The following ARHGAP6 variants were observed in gnomAD, a reference collection of about 807,000 sequenced individuals.
ARHGAP6 encodes rho GTPase-activating protein 6.
In ARHGAP6, 16 loss-of-function variants were observed where a neutral mutation model predicts 55.7. The ratio of observed to expected loss-of-function variants is 0.29; its 90% confidence interval spans 0.19 to 0.44. The LOEUF is 0.44. Ranked by LOEUF, ARHGAP6 falls within the 20% of genes least tolerant of loss-of-function variation. The pLI is 1.00. For missense variants in ARHGAP6, 698 were observed against 808.9 expected (o/e 0.86, Z 1.66); for synonymous variants, 382 against 360.9 (o/e 1.06, Z -0.66).
intron 1 of ARHGAP6, among the ~76,000 whole-genome samples, chrX:11,637,835 G>T (rs1229650509): frequency 9.2e-6 from 1 of 108,588 alleles, no homozygotes; most frequent in African/African-American, 3.3e-5. Context: ...TGATTCTTTT[G>T]GGATTCTCTC....
At chrX:11,615,653 A>G (rs988645327) in intron 1 of ARHGAP6, among the ~76,000 whole-genome samples, 7 of 112,297 alleles carry the variant, frequency 6.2e-5, no homozygotes, top group African/African-American at 2.3e-4. Flanking sequence ...CAATCATTAT[A>G]AATAGGGCAT....
chrX:11,180,221 A>G (rs906198614), intron 6 of ARHGAP6, among the ~76,000 whole-genome samples: 6 of 111,511 alleles, frequency 5.4e-5, no homozygotes, highest in African/African-American at 1.6e-4. Context: ...CAAGGGAGTA[A>G]TAACTCCACA....
intron 2 of ARHGAP6, among the ~76,000 whole-genome samples, chrX:11,253,273 T>G (rs768845957): frequency 9.0e-6 from 1 of 111,015 alleles, no homozygotes; most frequent in African/African-American, 3.3e-5. Context: ...CAACCCTGCT[T>G]GAGAACCACC....
intron 1 of ARHGAP6, among the ~76,000 whole-genome samples, chrX:11,459,562 C>G (rs1320378455): frequency 8.9e-6 from 1 of 111,839 alleles, no homozygotes; most frequent in East Asian, 2.8e-4. Context: ...AAATGTTTAG[C>G]TATTGTTTTG....
At chrX:11,433,873 G>A (rs181206245) in intron 1 of ARHGAP6, among the ~76,000 whole-genome samples, 1 of 112,419 alleles carries the variant, frequency 8.9e-6, no homozygotes. Flanking sequence ...CTAATAAATG[G>A]TGGAGTTGAG....
At chrX:11,402,867 A>C (rs1168978220) in intron 1 of ARHGAP6, among the ~76,000 whole-genome samples, 1 of 111,556 alleles carries the variant, frequency 9.0e-6, no homozygotes, top group Non-Finnish European at 1.9e-5. Context: ...GGCAAATCCT[A>C]TTTATGTAAC....
At chrX:11,608,179 C>A (rs997408418) in intron 1 of ARHGAP6, among the ~76,000 whole-genome samples, 1 of 111,511 alleles carries the variant, frequency 9.0e-6, no homozygotes, top group Non-Finnish European at 1.9e-5. Context: ...GCAAACATGG[C>A]AGGATTATAT....
At chrX:11,643,430 C>T (rs1471999259) in intron 1 of ARHGAP6, among the ~76,000 whole-genome samples, 1 of 111,917 alleles carries the variant, frequency 8.9e-6, no homozygotes, top group African/African-American at 3.2e-5. Context: ...TTCTTTGTTT[C>T]CAAAACACTT....
chrX:11,533,368 T>G (rs1166888287), intron 1 of ARHGAP6, among the ~76,000 whole-genome samples: 2 of 112,200 alleles, frequency 1.8e-5, no homozygotes. Context: ...TAATACATTT[T>G]GTAATGTAAT....
At chrX:11,239,139 T>A (rs2031475808) in intron 2 of ARHGAP6, among the ~76,000 whole-genome samples, 1 of 111,326 alleles carries the variant, frequency 9.0e-6, no homozygotes, top group South Asian at 3.8e-4. Context: ...GGTATTAATG[T>A]TACCATAATA....
intron 1 of ARHGAP6, among the ~76,000 whole-genome samples, chrX:11,348,078 A>G (rs1173769039): frequency 8.9e-6 from 1 of 112,227 alleles, no homozygotes; most frequent in Non-Finnish European, 1.9e-5. Flanking sequence ...TGCTTCCTTC[A>G]GGACTGCAGA....
At chrX:11,640,932 C>T (rs1221077412) in intron 1 of ARHGAP6, among the ~76,000 whole-genome samples, 1 of 111,420 alleles carries the variant, frequency 9.0e-6, no homozygotes, top group Non-Finnish European at 1.9e-5. Flanking sequence ...TCCCTGTGTC[C>T]TACCTACCTA....
At chrX:11,275,531 A>C (rs762337298) in intron 1 of ARHGAP6, among the ~76,000 whole-genome samples, 1 of 111,163 alleles carries the variant, frequency 9.0e-6, no homozygotes, top group African/African-American at 3.3e-5. Flanking sequence ...CTTTCCTTTA[A>C]CACTTCCTCT....
rs1348635031 is a variant in ARHGAP6 at position 11,174,616 on chromosome X, CTCTTTCT to C, written c.1629+3477_1629+3483del. On this transcript the variant is annotated intron_variant, in intron 8 of 12. Transcript: ENST00000337414. Reference sequence around the variant, plus strand: ...TTTTTCTTTCTTTCTTTCTTTCTTTCTCTTTCTTTTCTTTCTTTCTTTCTTTCTTTCT... The same window carrying C: ...TTTTTCTTTCTTTCTTTCTTTCTTTCTTTCTTTCTTTCTTTCTTTCTTTCT... Among the ~76,000 whole-genome samples the C allele has an allele frequency of 5.2e-3, 340 of 64,898 alleles. 2 individuals are homozygous for C. Among genetic ancestry groups the C allele is most frequent in the Middle Eastern group, 0.019 (2 of 103 alleles). 56.4% of individuals were successfully genotyped at this position (64,898 alleles called of 115,157 possible).
At chrX:11,429,703 C>G (rs180868303) in intron 1 of ARHGAP6, among the ~76,000 whole-genome samples, 26 of 111,399 alleles carry the variant, frequency 2.3e-4, no homozygotes, top group African/African-American at 8.5e-4. Flanking sequence ...ACCTTGGAGG[C>G]CTTCCTTGCT....
At chrX:11,617,612 T>C (rs2052181138) in intron 1 of ARHGAP6, among the ~76,000 whole-genome samples, 1 of 111,495 alleles carries the variant, frequency 9.0e-6, no homozygotes, top group East Asian at 2.8e-4. Context: ...ATAATTGTCA[T>C]GGTTGATGAT....
At chrX:11,252,852 G>T (rs1307015954) in intron 2 of ARHGAP6, among the ~76,000 whole-genome samples, 1 of 111,902 alleles carries the variant, frequency 8.9e-6, no homozygotes, top group Non-Finnish European at 1.9e-5. Flanking sequence ...GAAAAACTCT[G>T]GTCAGTGTTT....
intron 1 of ARHGAP6, among the ~76,000 whole-genome samples, chrX:11,400,492 G>A (rs1017815973): frequency 4.6e-5 from 5 of 108,056 alleles, no homozygotes; most frequent in African/African-American, 3.4e-5. Context: ...GTCAATGAAC[G>A]TGCCCCCCCG....
chrX:11,178,119 ATGT>A lies in ARHGAP6; in HGVS notation c.1607_1609del (p.Asn536del). ...TCTTACCTCTTGCCCATCTTTGCTGATGTTGTCATCGGCATGCCTGGCCACGAT... is the reference window on the plus strand; with the variant it reads ...TCTTACCTCTTGCCCATCTTTGCTGATGTCATCGGCATGCCTGGCCACGAT... On this transcript the variant is annotated inframe_deletion, in exon 8 of 13. Coordinates refer to ENST00000337414, the MANE Select transcript of ARHGAP6 (RefSeq NM_013427.3). 8.3e-7 allele frequency: 1 copy of A among 1,211,461 alleles called. No individual in the cohort carries two copies. Among genetic ancestry groups the A allele is most frequent in the South Asian group, 1.8e-5 (1 of 56,955 alleles).
Sources: allele counts gnomAD v4.1 joint callset (sites outside exome capture counted in the v4.1 genomes callset), GRCh38; gene constraint gnomAD v4.1.1; transcripts MANE v1.5; gene names NCBI Gene and HGNC (gene_info 2026-07-23, HGNC 2026-07-21).